CRPPA: variants seen among roughly 807,000 people sequenced by gnomAD.
CRPPA encodes the protein D-ribitol-5-phosphate cytidylyltransferase.
CRPPA carries 43 observed loss-of-function variants against 52.0 expected under a neutral mutation model. The observed-to-expected ratio is 0.83, with a 90% confidence interval of 0.65 to 1.07. CRPPA has a LOEUF of 1.07. CRPPA is among the 50% of genes least tolerant of loss of function. The pLI, the probability that CRPPA is intolerant of heterozygous loss-of-function variation, is 0.00. For synonymous variants in CRPPA, 250 were observed against 203.5 expected, an observed-to-expected ratio of 1.23 and a Z score of -1.94; for missense variants, 629 against 551.7, an observed-to-expected ratio of 1.14 and a Z score of -1.40.
At chr7:16,265,262 G>A (rs779377454) in intron 6 of CRPPA, among the ~76,000 whole-genome samples, 5 of 152,160 alleles carry the variant, frequency 3.3e-5, no homozygotes, top group Non-Finnish European at 5.9e-5. Flanking sequence ...TCATACTAAA[G>A]CAGGTTTGAT....
intron 3 of CRPPA, among the ~76,000 whole-genome samples, chr7:16,321,571 C>G (rs1402957796): frequency 6.6e-6 from 1 of 152,018 alleles, no homozygotes; most frequent in Non-Finnish European, 1.5e-5. Context: ...TTATGAGAAT[C>G]TGAAATAAGT....
At chr7:16,226,727 T>C (rs576047862) in intron 8 of CRPPA, among the ~76,000 whole-genome samples, 19 of 152,018 alleles carry the variant, frequency 1.2e-4, no homozygotes, top group Middle Eastern at 3.4e-3. Context: ...TTACACAACG[T>C]GATGTTCTGA....
At chr7:16,235,799 GC>G (rs1306197088) in intron 8 of CRPPA, 1 of 152,030 alleles carries the variant, frequency 6.6e-6, no homozygotes, top group East Asian at 1.9e-4. Flanking sequence ...TTCGAAAAGG[GC>G]AAGCATTGGC....
At chr7:16,358,080 G>A in intron 3 of CRPPA, among the ~76,000 whole-genome samples, 1 of 152,268 alleles carries the variant, frequency 6.6e-6, no homozygotes, top group South Asian at 2.1e-4. Flanking sequence ...GCCAGGACTG[G>A]CATGCAGGAA....
At chr7:16,372,103 C>T (rs946915147) in intron 3 of CRPPA, among the ~76,000 whole-genome samples, 3 of 152,116 alleles carry the variant, frequency 2.0e-5, no homozygotes, top group East Asian at 1.9e-4. Flanking sequence ...GAAATGAAGT[C>T]TAAGAGTTTG....
intron 8 of CRPPA, among the ~76,000 whole-genome samples, chr7:16,252,037 TAGAG>T (rs764708685): frequency 5.9e-5 from 9 of 151,980 alleles, no homozygotes; most frequent in Non-Finnish European, 1.3e-4. Context: ...TAAAAAATGA[TAGAG>T]AGCATATCAC....
At chr7:16,230,651 T>A (rs1782767970) in intron 8 of CRPPA, among the ~76,000 whole-genome samples, 1 of 152,198 alleles carries the variant, frequency 6.6e-6, no homozygotes. Context: ...TTAGGGTCAG[T>A]CACTTGTACC....
At chr7:16,286,066 T>TTTAAAAAAAAAAAAAAAA (rs1562608525) in intron 5 of CRPPA, among the ~76,000 whole-genome samples, 1 of 25,842 alleles carries the variant, frequency 3.9e-5, no homozygotes, top group Non-Finnish European at 6.9e-5. Flanking sequence ...TATATATATA[T>TTTAAAAAAAAAAAAAAAA]ATATATATAT....
At chr7:16,303,559 A>T (rs2214625) in intron 4 of CRPPA, among the ~76,000 whole-genome samples, 113,445 of 149,060 alleles carry the variant, frequency 0.76, 43,419 homozygotes, top group Admixed American at 0.8. Context: ...TGACACATAA[A>T]GTTCTCCCAT....
At chr7:16,303,569 T>C (rs971458283) in intron 4 of CRPPA, among the ~76,000 whole-genome samples, 18 of 147,854 alleles carry the variant, frequency 1.2e-4, no homozygotes, top group African/African-American at 4.0e-4. Context: ...AGTTCTCCCA[T>C]CTTTCCCTTC....
At chr7:16,337,258 A>T (rs1163099064) in intron 3 of CRPPA, among the ~76,000 whole-genome samples, 4 of 152,180 alleles carry the variant, frequency 2.6e-5, no homozygotes, top group Non-Finnish European at 5.9e-5. Flanking sequence ...AAATCTTCTT[A>T]AGTATTTTTT....
intron 9 of CRPPA, among the ~76,000 whole-genome samples, chr7:16,126,605 A>C (rs1465926097): frequency 6.6e-6 from 1 of 152,328 alleles, no homozygotes; most frequent in South Asian, 2.1e-4. Flanking sequence ...TTTCATGTCT[A>C]AAATATCTAG....
intron 3 of CRPPA, among the ~76,000 whole-genome samples, chr7:16,337,603 GT>G (rs1439640777): frequency 6.6e-6 from 1 of 151,906 alleles, no homozygotes; most frequent in African/African-American, 2.4e-5. Context: ...ATTGACAACT[GT>G]TTTTTTGCAA....
intron 5 of CRPPA, among the ~76,000 whole-genome samples, chr7:16,283,175 A>G (rs1167529125): frequency 6.6e-6 from 1 of 151,592 alleles, no homozygotes; most frequent in Non-Finnish European, 1.5e-5. Flanking sequence ...TAGAACCTTT[A>G]TAAATATGGT....
intron 9 of CRPPA, among the ~76,000 whole-genome samples, chr7:16,105,697 TG>T (rs1782137571): frequency 6.6e-6 from 1 of 152,134 alleles, no homozygotes. Context: ...AGAAGCCTGA[TG>T]GGATGTTCAA....
At chr7:16,157,334 A>T (rs1050942643) in intron 9 of CRPPA, among the ~76,000 whole-genome samples, 3 of 152,198 alleles carry the variant, frequency 2.0e-5, no homozygotes, top group African/African-American at 7.2e-5. Flanking sequence ...GAAGGTTCTC[A>T]TATGGAAACA....
intron 3 of CRPPA, among the ~76,000 whole-genome samples, chr7:16,374,631 G>A (rs540154036): frequency 5.9e-5 from 9 of 152,172 alleles, no homozygotes; most frequent in African/African-American, 2.2e-4. Flanking sequence ...ACATCTACCA[G>A]TCTATCTGCA....
At chr7:16,337,306 T>C (rs1337322501) in intron 3 of CRPPA, among the ~76,000 whole-genome samples, 2 of 152,092 alleles carry the variant, frequency 1.3e-5, no homozygotes, top group Non-Finnish European at 2.9e-5. Context: ...TCAGTAACAG[T>C]TGAAATCATG....
chr7:16,184,002 C>T (rs955785020), intron 9 of CRPPA, among the ~76,000 whole-genome samples: 70 of 151,968 alleles, frequency 4.6e-4, no homozygotes, highest in Non-Finnish European at 4.1e-4. Context: ...ACTGTAGTGG[C>T]GTGAACTCGT....
Sources: gnomAD v4.1 joint callset for allele counts (sites outside exome capture counted in the v4.1 genomes callset) on GRCh38, gnomAD v4.1.1 for gene constraint, MANE v1.5 for transcripts, NCBI Gene and HGNC (gene_info 2026-07-23, HGNC 2026-07-21) for gene names.